DARS1: variants seen among roughly 807,000 people sequenced by gnomAD.
DARS1 encodes the protein aspartyl-tRNA synthetase 1.
DARS1 carries 51 observed loss-of-function variants against 68.8 expected under a neutral mutation model. That is an observed-to-expected ratio of 0.74 (90% confidence interval 0.59 to 0.94). DARS1 has a LOEUF of 0.94. Among genes scored for constraint, DARS1 ranks in the 40% least tolerant of loss-of-function variants. DARS1 has a pLI of 0.00. For synonymous variants in DARS1, 203 were observed against 190.4 expected (o/e 1.07, Z -0.55); for missense variants, 607 against 597.3 (o/e 1.02, Z -0.17).
At chr2:135,943,183 G>A in intron 5 of DARS1, 195 bp downstream of exon 5, 1 of 718,862 alleles carries the variant, frequency 1.4e-6, no homozygotes, top group Non-Finnish European at 2.1e-6. Context: ...AGAATTGTAA[G>A]CAAATAAATG....
intron 3 of DARS1, among the ~76,000 whole-genome samples, chr2:135,965,080 T>A (rs760002363): frequency 3.3e-5 from 5 of 151,546 alleles, no homozygotes; most frequent in Non-Finnish European, 7.4e-5. Context: ...TAAGAAAAAA[T>A]TGATAATAGA....
intron 3 of DARS1, among the ~76,000 whole-genome samples, chr2:135,962,487 GAAGA>G (rs1333110172): frequency 1.3e-5 from 2 of 152,022 alleles, no homozygotes; most frequent in African/African-American, 2.4e-5. Flanking sequence ...TTAACCAAAA[GAAGA>G]AAGAAAAAGG....
chr2:135,961,182 T>C (rs1339258228), intron 4 of DARS1, among the ~76,000 whole-genome samples: 1 of 152,242 alleles, frequency 6.6e-6, no homozygotes. Flanking sequence ...TAGAGAGTGC[T>C]GCTTCAGCAG....
Position 135,952,545 on chromosome 2 carries a change from A to G in DARS1, c.320+8851T>C, listed in dbSNP as rs76448970. On this transcript the variant is annotated intron_variant, in intron 4 of 15. Transcript: ENST00000264161. ...ATCTGTAATTTTGAACAGACTGACC[A>G]ATCTCTCCCTCATCCCCCTCTGCCC... Among the ~76,000 whole-genome samples the G allele has an allele frequency of 7.7e-3, 1,169 of 152,112 alleles. 11 individuals carry two copies. The highest frequency in any genetic ancestry group is 0.027 in the African/African-American group (1,103 of 41,490).
intron 4 of DARS1, among the ~76,000 whole-genome samples, chr2:135,959,053 A>C (rs1682040039): frequency 6.6e-6 from 1 of 152,034 alleles, no homozygotes; most frequent in Non-Finnish European, 1.5e-5. Context: ...TCAGGAATTA[A>C]AAAATCTAGG....
intron 4 of DARS1, among the ~76,000 whole-genome samples, chr2:135,945,214 G>A (rs1021635289): frequency 3.3e-5 from 5 of 151,676 alleles, no homozygotes; most frequent in African/African-American, 9.7e-5. Context: ...TGCAACCTCC[G>A]CCTCCCGGGT....
chr2:135,910,167 C>G (rs1301837856), intron 15 of DARS1, among the ~76,000 whole-genome samples: 2 of 152,122 alleles, frequency 1.3e-5, no homozygotes, highest in African/African-American at 4.8e-5. Context: ...TTTCATTTCC[C>G]TTGGTATGTA....
At position 135,949,321 on chromosome 2, in the gene DARS1, A is replaced by C. The variant is rs76862952; in HGVS notation, c.321-5841T>G. 7.7e-3 allele frequency among the ~76,000 whole-genome samples: 1,165 copies of C among 152,216 alleles called. 98 individuals are homozygous for C. In the East Asian group the frequency reaches 0.2, roughly 26 times the overall value. On this transcript the variant is annotated intron_variant, in intron 4 of 15. Coordinates refer to ENST00000264161, the MANE Select transcript of DARS1 (RefSeq NM_001349.4). Reference sequence around the variant, plus strand: ...TGTCCTCTCTAACAGTCAATACAAAAAGGCCTCCAGGACTTCCTTTAAAAA... The same window carrying C: ...TGTCCTCTCTAACAGTCAATACAAACAGGCCTCCAGGACTTCCTTTAAAAA...
chr2:135,967,880 A>T (rs1314470530), intron 3 of DARS1, among the ~76,000 whole-genome samples: 1 of 152,174 alleles, frequency 6.6e-6, no homozygotes. Context: ...ATTTATTGAT[A>T]TGATTTTTCG....
chr2:135,927,294 C>T (rs1424795965), intron 7 of DARS1, among the ~76,000 whole-genome samples: 1 of 152,022 alleles, frequency 6.6e-6, no homozygotes, highest in East Asian at 1.9e-4. Context: ...AAATTAAATG[C>T]TTCTAAACTA....
chr2:135,965,570 AATT>A (rs542601696), intron 3 of DARS1, among the ~76,000 whole-genome samples: 1 of 152,232 alleles, frequency 6.6e-6, no homozygotes, highest in Non-Finnish European at 1.5e-5. Context: ...TATAAAATCG[AATT>A]ATTACTCAAT....
chr2:135,965,927 T>C (rs1426418277), intron 3 of DARS1, among the ~76,000 whole-genome samples: 1 of 152,206 alleles, frequency 6.6e-6, no homozygotes, highest in Non-Finnish European at 1.5e-5. Flanking sequence ...ACTACTTCTC[T>C]ATGAAGCACT....
chr2:135,912,680 T>G, intron 12 of DARS1, 114 bp from the exon 13 acceptor site: 1 of 480,052 alleles, frequency 2.1e-6, no homozygotes, highest in Non-Finnish European at 3.7e-6. Context: ...CTAATTATAT[T>G]GTATATACAA....
At chr2:135,944,753 A>T (rs1244763070) in intron 4 of DARS1, among the ~76,000 whole-genome samples, 1 of 152,198 alleles carries the variant, frequency 6.6e-6, no homozygotes, top group Non-Finnish European at 1.5e-5. Context: ...AGGGATCAAG[A>T]GGCTCCAGTG....
intron 3 of DARS1, among the ~76,000 whole-genome samples, chr2:135,971,614 T>C (rs988636321): frequency 6.6e-6 from 1 of 151,934 alleles, no homozygotes; most frequent in Non-Finnish European, 1.5e-5. Context: ...GAGAAAAAAA[T>C]AAAGGGCATC....
chr2:135,924,478 G>A lies in DARS1; in HGVS notation c.585C>T (p.Val195=). 1 of 1,605,788 alleles carries A rather than the reference G, an allele frequency of 6.2e-7. No individual in the cohort carries two copies. ...IDLRTSTSQA[V]FRLQSGICHL... is the part of the protein sequence containing the mutation. Reference sequence around the variant, plus strand: ...GGCAGATGCCAGACTGGAGACGGAAGACTGCCTGACTAGTTGATGTCTAGA... The same window carrying A: ...GGCAGATGCCAGACTGGAGACGGAAAACTGCCTGACTAGTTGATGTCTAGA... Residue 195 remains valine, a synonymous_variant, in exon 8 of 16, where the codon GTC becomes GTT. Coordinates refer to ENST00000264161, the MANE Select transcript of DARS1 (RefSeq NM_001349.4).
intron 7 of DARS1, among the ~76,000 whole-genome samples, chr2:135,927,070 C>T (rs1002245798): frequency 2.0e-5 from 3 of 152,168 alleles, no homozygotes; most frequent in African/African-American, 4.8e-5. Flanking sequence ...GCGTAGAACA[C>T]ATCTAAAGAG....
chr2:135,932,658 C>T, intron 7 of DARS1, 125 bp downstream of exon 7: 2 of 565,220 alleles, frequency 3.5e-6, no homozygotes, highest in East Asian at 5.8e-5. Context: ...GAAATTGTTT[C>T]CTGTATTATC....
chr2:135,916,178 C>T lies in DARS1; in HGVS notation c.1106+48G>A, dbSNP rs377010003. On this transcript the variant is annotated intron_variant, in intron 11 of 15. Coordinates refer to ENST00000264161, the MANE Select transcript of DARS1 (RefSeq NM_001349.4). ...CTATGTAACAAACCTGCACGTTCTG[C>T]ACATGGATCCTGGAACTTAAAGTAA... 5.5e-5 allele frequency: 61 copies of T among 1,113,520 alleles called. No individual in the cohort carries two copies. The East Asian group carries it at 9.4e-4, about 17-fold the overall frequency. The allele number at this position is 1,113,520 out of a possible 1,614,324, so 69.0% of individuals were successfully genotyped here.
Sources: allele counts gnomAD v4.1 joint callset (sites outside exome capture counted in the v4.1 genomes callset), GRCh38; gene constraint gnomAD v4.1.1; transcripts MANE v1.5; gene names NCBI Gene and HGNC (gene_info 2026-07-23, HGNC 2026-07-21).